The following MDN1 variants were observed in gnomAD, a reference collection of about 807,000 sequenced individuals.
MDN1 encodes the protein midasin AAA ATPase 1, also known as midasin.
In MDN1, 266 loss-of-function variants were observed where a neutral mutation model predicts 669.2. The ratio of observed to expected loss-of-function variants is 0.40; its 90% CI spans 0.36 to 0.44. MDN1 has a LOEUF of 0.44. MDN1 is among the 20% of genes least tolerant of loss of function. The pLI is 1.00. For synonymous variants in MDN1, 2,385 were observed against 2,457.1 expected (o/e 0.97, Z 0.87); for missense variants, 5,940 against 6,754.0 (o/e 0.88, Z 4.22).
At chr6:89,814,161 C>T (rs1160516354) in intron 1 of MDN1, among the ~76,000 whole-genome samples, 1 of 152,104 alleles carries the variant, frequency 6.6e-6, no homozygotes, top group African/African-American at 2.4e-5. Flanking sequence ...CAAGTGCATT[C>T]TAAAGTAAAC....
chr6:89,690,592 G>A, intron 64 of MDN1, 81 bp downstream of exon 64: 2 of 1,515,578 alleles, frequency 1.3e-6, no homozygotes, highest in Non-Finnish European at 1.8e-6. Context: ...AGATAAAGAG[G>A]AAGAGAGAAA....
chr6:89,745,152 A>AAAAAAAAAAAAG, intron 29 of MDN1, 121 bp downstream of exon 29: 1 of 1,018,494 alleles, frequency 9.8e-7, no homozygotes, highest in African/African-American at 1.7e-5. Flanking sequence ...AAAAAAAAAA[A>AAAAAAAAAAAAG]GAAAAAAGAG....
In MDN1 at chr6:89,674,401, G is replaced by C; in HGVS notation, c.12950C>G (p.Ala4317Gly). The C allele has an allele frequency of 6.8e-6, 11 of 1,614,220 alleles. No homozygotes were observed. Among genetic ancestry groups the C allele is most frequent in the Non-Finnish European group, 9.3e-6 (11 of 1,180,038 alleles). ...LLQCCPSVGP[A>G]PGHGNVQVLG... Reference sequence around the variant, plus strand: ...TACCTGGACATTGCCATGGCCTGGAGCTGGCCCTACACTGGGGCAGCACTG... The same window carrying C: ...TACCTGGACATTGCCATGGCCTGGACCTGGCCCTACACTGGGGCAGCACTG... Residue 4317 changes from alanine to glycine, a missense_variant, in exon 79 of 102, where the codon GCT (alanine) becomes GGT (glycine). This residue lies in a region of MDN1 where 2,280 missense variants were observed against 2,576.3 expected (regional missense o/e 0.88). Transcript: ENST00000369393.
At chr6:89,687,564 G>A in intron 67 of MDN1, 126 bp from the exon 68 acceptor site, 1 of 708,678 alleles carries the variant, frequency 1.4e-6, no homozygotes, top group East Asian at 2.7e-5. Context: ...TGCACCAATT[G>A]TAGGAATGAA....
intron 62 of MDN1, 120 bp downstream of exon 62, chr6:89,693,954 G>A: frequency 1.3e-6 from 1 of 761,990 alleles, no homozygotes; most frequent in South Asian, 1.6e-5. Context: ...CAATGCTTTG[G>A]CATCTAATTG....
Position 89,750,360 on chromosome 6 carries a change from T to C in MDN1, c.3400A>G (p.Lys1134Glu). The C allele has an allele frequency of 6.2e-7, 1 of 1,607,494 alleles. No homozygotes were observed. Among genetic ancestry groups the C allele is most frequent in the Non-Finnish European group, 8.5e-7 (1 of 1,174,596 alleles). ...TSDSSGKLVFKEGVLIDAMRK... is the reference protein window; with the variant it reads ...TSDSSGKLVFEEGVLIDAMRK... ...AATGGAATCTTAACCCTACCTTCCT[T>C]AAAGACAAGCTTCCCTGAGGAGTCA... The change falls in exon 24 of 102, where the codon AAG (lysine) becomes GAG (glutamate). Residue 1134 changes from lysine (K) to glutamate (E), a missense_variant. Transcript: ENST00000369393.
Position 89,720,844 on chromosome 6 carries a change from C to G in MDN1, c.5968-1619G>C, listed in dbSNP as rs1367480419. 1.4e-4 allele frequency among the ~76,000 whole-genome samples: 22 copies of G among 152,160 alleles called. 1 individual carries two copies. The highest frequency in any genetic ancestry group is 3.2e-4 in the Non-Finnish European group (22 of 68,032). ...TTCTGAATACCACACTAAAGAAGCTCTGGGTGGCCGGGCACAGTGGCTCAC... is the reference window on the plus strand; with the variant it reads ...TTCTGAATACCACACTAAAGAAGCTGTGGGTGGCCGGGCACAGTGGCTCAC... On this transcript the variant is annotated intron_variant, in intron 40 of 101. Transcript: ENST00000369393.
chr6:89,658,358 G>C lies in MDN1; in HGVS notation c.15034C>G (p.Arg5012Gly). The C allele has an allele frequency of 6.2e-7, 1 of 1,614,080 alleles. No individual in the cohort carries two copies. The highest frequency in any genetic ancestry group is 8.5e-7 in the Non-Finnish European group (1 of 1,180,032). Reference sequence around the variant, plus strand: ...TGCTCCTCTGTATCAGAGTCCTCCCGTTCTTCTTCCTCCTTCGGCAGAGAA... The same window carrying C: ...TGCTCCTCTGTATCAGAGTCCTCCCCTTCTTCTTCCTCCTTCGGCAGAGAA... ...QGFQPQEEEE[R>G]EDSDTEEQVP... is the part of the protein sequence containing the mutation. Residue 5012 changes from arginine (R) to glycine (G), a missense_variant, in exon 90 of 102, where the codon CGG becomes GGG. Physicochemically the swap from Arg to Gly is moderately radical, Grantham distance 125. Around this residue, in one of 5 missense-constraint regions of MDN1, gnomAD observed 2,280 missense variants for 2,576.3 expected, o/e 0.88. Transcript: ENST00000369393.
Position 89,644,125 on chromosome 6 carries a change from G to C in MDN1, c.16671C>G (p.Tyr5557Ter), listed in dbSNP as rs1322834932. The C allele has an allele frequency of 6.2e-7, 1 of 1,614,002 alleles. No individual in the cohort carries two copies. Among genetic ancestry groups the C allele is most frequent in the Non-Finnish European group, 8.5e-7 (1 of 1,179,894 alleles). ...AGTATGGGAATGGGAACTCTTCCATGTAGGATCGGATTTCAGGCATCTCTC... is the reference window on the plus strand; with the variant it reads ...AGTATGGGAATGGGAACTCTTCCATCTAGGATCGGATTTCAGGCATCTCTC... ...GPGEMPEIRS[Y>*]MEEFPFPYYI... Residue 5557 changes from tyrosine (Y) to a stop codon, truncating the protein, a stop_gained, in exon 102 of 102, where the codon TAC (tyrosine) becomes TAG (stop). Coordinates refer to ENST00000369393, the MANE Select transcript of MDN1 (RefSeq NM_014611.3). LOFTEE classifies it high-confidence loss of function.
chr6:89,697,287 A>G (rs1233753463), intron 59 of MDN1, among the ~76,000 whole-genome samples: 1 of 152,326 alleles, frequency 6.6e-6, no homozygotes, highest in East Asian at 1.9e-4. Context: ...AAAACAACAT[A>G]TACTGATGAA....
At position 89,740,243 on chromosome 6, in the gene MDN1, T is replaced by G. The variant is rs1359593966; in HGVS notation, c.4584A>C (p.Gly1528=). The G allele has an allele frequency of 7.4e-6, 12 of 1,611,878 alleles. No homozygotes were observed. Among genetic ancestry groups the G allele is most frequent in the South Asian group, 1.1e-5 (1 of 90,692 alleles). Reference sequence around the variant, plus strand: ...ATCAGTAAAGTTTTACCTCCTTTTTTCCAAAGTCACCCCCAGGGTTCATGG... The same window carrying G: ...ATCAGTAAAGTTTTACCTCCTTTTTGCCAAAGTCACCCCCAGGGTTCATGG... The part of the protein sequence containing the change: ...LATMNPGGDF[G]KKELSPALRN... Residue 1528 remains glycine (G), a synonymous_variant, in exon 32 of 102, where the codon GGA becomes GGC. Coordinates refer to ENST00000369393, the MANE Select transcript of MDN1 (RefSeq NM_014611.3).
At position 89,735,739 on chromosome 6, in the gene MDN1, C is replaced by T. The variant is rs146177191; in HGVS notation, c.4723+2587G>A. On this transcript the variant is annotated intron_variant, in intron 33 of 101. Transcript: ENST00000369393. The stretch of plus-strand genomic sequence containing the variant: ...ACACTATTAGTTAAAATATTAAATT[C>T]GGCCAGGCATGGTGGCTCACACCTA... 9.5e-4 allele frequency among the ~76,000 whole-genome samples: 144 copies of T among 152,000 alleles called. 2 individuals are homozygous for T. The Middle Eastern group carries it at 0.014, about 14-fold the overall frequency.
intron 1 of MDN1, among the ~76,000 whole-genome samples, chr6:89,808,497 T>C (rs1469777595): frequency 6.6e-6 from 1 of 152,126 alleles, no homozygotes; most frequent in African/African-American, 2.4e-5. Context: ...GAGTTGAACA[T>C]CTCCTACACA....
chr6:89,703,297 A>AT (rs1314241888), intron 53 of MDN1, among the ~76,000 whole-genome samples: 2 of 146,040 alleles, frequency 1.4e-5, no homozygotes, highest in East Asian at 2.0e-4. Context: ...TGAATAGACC[A>AT]TTTTTTGCCA....
intron 93 of MDN1, among the ~76,000 whole-genome samples, 166 bp from the exon 94 acceptor site, chr6:89,653,321 T>C (rs942349429): frequency 4.1e-4 from 63 of 152,224 alleles, no homozygotes; most frequent in African/African-American, 1.3e-3. Context: ...GAGACACTCA[T>C]TGCCAACCCT....
At chr6:89,811,409 A>T (rs1347656876) in intron 1 of MDN1, among the ~76,000 whole-genome samples, 1 of 152,078 alleles carries the variant, frequency 6.6e-6, no homozygotes, top group Non-Finnish European at 1.5e-5. Context: ...AAATAAAAAC[A>T]GGACAATGAA....
At chr6:89,655,997 C>T (rs1254697968) in intron 91 of MDN1, 29 bp from the exon 92 acceptor site, 3 of 1,595,232 alleles carry the variant, frequency 1.9e-6, no homozygotes. Context: ...TTCATCAGAG[C>T]CTTGCCTGTC....
intron 83 of MDN1, among the ~76,000 whole-genome samples, chr6:89,670,168 A>ATTTTTT (rs1431713155): frequency 3.7e-4 from 8 of 21,640 alleles, no homozygotes; most frequent in Admixed American, 2.2e-3. Flanking sequence ...ATATATATAT[A>ATTTTTT]TATTTTTTTT....
chr6:89,706,015 A>G, intron 53 of MDN1, 44 bp downstream of exon 53: 2 of 1,506,682 alleles, frequency 1.3e-6, no homozygotes, highest in Non-Finnish European at 1.8e-6. Flanking sequence ...GCCAAGAAAG[A>G]TAAATTTTGT....
Sources: allele counts gnomAD v4.1 joint callset (sites outside exome capture counted in the v4.1 genomes callset), GRCh38; gene constraint gnomAD v4.1.1; regional missense constraint gnomAD v4.1.1; transcripts MANE v1.5; gene names NCBI Gene and HGNC (gene_info 2026-07-23, HGNC 2026-07-21).